The following C10orf90 variants were observed in gnomAD, a reference collection of about 807,000 sequenced individuals.
C10orf90 encodes the protein chromosome 10 open reading frame 90.
C10orf90 carries 56 observed loss-of-function variants against 62.5 expected under a neutral mutation model. That is an observed-to-expected ratio of 0.90 (90% CI 0.72 to 1.12). C10orf90 has a LOEUF of 1.12. Among genes scored for constraint, C10orf90 ranks in the 50% most tolerant of loss-of-function variants. The probability of loss-of-function intolerance (pLI) is 0.00; values close to 1 mark genes in which losing one functional copy is unlikely to be tolerated. For missense variants in C10orf90, 970 were observed against 880.4 expected (o/e 1.10, Z -1.29); for synonymous variants, 386 against 340.4 (o/e 1.13, Z -1.47).
At chr10:126,661,380 A>G (rs945848219) in intron 1 of C10orf90, among the ~76,000 whole-genome samples, 1 of 152,224 alleles carries the variant, frequency 6.6e-6, no homozygotes, top group Non-Finnish European at 1.5e-5. Flanking sequence ...CATTGTTCAT[A>G]TGAATACAGA....
intron 2 of C10orf90, among the ~76,000 whole-genome samples, chr10:126,642,197 G>A (rs753775980): frequency 5.3e-5 from 8 of 152,110 alleles, no homozygotes; most frequent in South Asian, 2.1e-4. Flanking sequence ...AAGATGAATC[G>A]CTAATTGATG....
chr10:126,583,019 TG>T (rs1844784919), intron 2 of C10orf90, among the ~76,000 whole-genome samples: 1 of 152,208 alleles, frequency 6.6e-6, no homozygotes, highest in Non-Finnish European at 1.5e-5. Context: ...GGGGTGGCTG[TG>T]CTGTGCATTT....
intron 2 of C10orf90, among the ~76,000 whole-genome samples, chr10:126,543,297 G>A (rs1328028926): frequency 6.6e-6 from 1 of 152,114 alleles, no homozygotes; most frequent in Non-Finnish European, 1.5e-5. Flanking sequence ...GTGCACCTCT[G>A]TTCTTTCATC....
At chr10:126,578,604 C>A (rs1400652741) in intron 2 of C10orf90, among the ~76,000 whole-genome samples, 3 of 152,144 alleles carry the variant, frequency 2.0e-5, no homozygotes, top group Non-Finnish European at 4.4e-5. Context: ...ATCCCTCCTG[C>A]ATATATACAC....
At position 126,613,578 on chromosome 10, in the gene C10orf90, C is replaced by T. The variant is rs550702110; in HGVS notation, c.313+32987G>A. ...ACTATTTTAATCCACTGATGCAAAA[C>T]TGTGCAATTACCAATTCAAATCTGA... is the stretch of plus-strand genomic sequence containing the variant. On this transcript the variant is annotated intron_variant, in intron 2 of 9. Coordinates refer to ENST00000488181, the MANE Select transcript of C10orf90 (RefSeq NM_001350921.2). Among the ~76,000 whole-genome samples, 5 of 152,340 alleles carry T rather than the reference C, an allele frequency of 3.3e-5. 1 individual carries two copies. The highest frequency in any genetic ancestry group is 1.2e-4 in the African/African-American group (5 of 41,592).
In C10orf90 at chr10:126,591,899, CA is replaced by C. The variant is rs557843267; in HGVS notation, c.313+54665del. ...AAAAACCACTAGCATTCCTATACAC[CA>C]AAAACAGGCAAGCAGAGAGCCAAAT... On this transcript the variant is annotated intron_variant, in intron 2 of 9. Coordinates refer to ENST00000488181, the MANE Select transcript of C10orf90 (RefSeq NM_001350921.2). Among the ~76,000 whole-genome samples the C allele has an allele frequency of 1.1e-3, 160 of 152,060 alleles. 2 individuals carry two copies. The Middle Eastern group carries it at 0.027, about 26-fold the overall frequency.
At chr10:126,472,160 T>C (rs1860616482) in intron 4 of C10orf90, among the ~76,000 whole-genome samples, 1 of 152,208 alleles carries the variant, frequency 6.6e-6, no homozygotes. Flanking sequence ...AAGCTTTTCT[T>C]AAAACTTACT....
intron 2 of C10orf90, among the ~76,000 whole-genome samples, chr10:126,525,932 C>A (rs996063352): frequency 6.6e-6 from 1 of 151,878 alleles, no homozygotes; most frequent in Admixed American, 6.6e-5. Context: ...AGCAGACCTT[C>A]AATTTAGGCA....
At chr10:126,445,965 A>G (rs913586892) in intron 7 of C10orf90, among the ~76,000 whole-genome samples, 1 of 151,860 alleles carries the variant, frequency 6.6e-6, no homozygotes, top group Non-Finnish European at 1.5e-5. Flanking sequence ...TGAGGATGCA[A>G]AGCCATAAGA....
chr10:126,495,470 C>T (rs567322393), intron 4 of C10orf90, among the ~76,000 whole-genome samples: 1 of 152,292 alleles, frequency 6.6e-6, no homozygotes, highest in African/African-American at 2.4e-5. Context: ...GCAGTAATGC[C>T]CTCATGGGGC....
At chr10:126,451,079 T>G (rs144782739) in intron 7 of C10orf90, among the ~76,000 whole-genome samples, 1 of 151,448 alleles carries the variant, frequency 6.6e-6, no homozygotes, top group East Asian at 1.9e-4. Context: ...CCAACAGGTA[T>G]ATGAGAAAAC....
intron 2 of C10orf90, among the ~76,000 whole-genome samples, chr10:126,585,725 A>G (rs749729026): frequency 1.6e-4 from 25 of 152,184 alleles, no homozygotes; most frequent in Admixed American, 3.3e-4. Flanking sequence ...TTGAAGACCA[A>G]ATTGGAAAGG....
At chr10:126,585,495 G>A (rs970120380) in intron 2 of C10orf90, among the ~76,000 whole-genome samples, 1 of 150,748 alleles carries the variant, frequency 6.6e-6, no homozygotes, top group Non-Finnish European at 1.5e-5. Context: ...AGAAAAGGAG[G>A]AAAAGAAAGA....
intron 4 of C10orf90, among the ~76,000 whole-genome samples, chr10:126,495,344 A>C (rs1861986782): frequency 6.6e-6 from 1 of 151,908 alleles, no homozygotes; most frequent in African/African-American, 2.4e-5. Context: ...AACGTACCCC[A>C]CCCATGTCTG....
At chr10:126,585,354 C>A (rs1227723941) in intron 2 of C10orf90, among the ~76,000 whole-genome samples, 1 of 48,010 alleles carries the variant, frequency 2.1e-5, no homozygotes, top group African/African-American at 1.0e-4. Flanking sequence ...AGGCAGGGAG[C>A]GAGGGGGGGA....
chr10:126,548,147 C>A (rs1864545064), intron 2 of C10orf90, among the ~76,000 whole-genome samples: 1 of 152,122 alleles, frequency 6.6e-6, no homozygotes, highest in Admixed American at 6.5e-5. Context: ...TAACATAATT[C>A]CTATCAAAAT....
chr10:126,469,152 G>A (rs770147002), intron 4 of C10orf90, among the ~76,000 whole-genome samples: 1 of 152,146 alleles, frequency 6.6e-6, no homozygotes, highest in Non-Finnish European at 1.5e-5. Context: ...GCAGACACAC[G>A]AGCCGGGAGG....
chr10:126,442,487 A>ATATATATATATATATATCTATATC (rs1858420266), intron 7 of C10orf90, among the ~76,000 whole-genome samples: 4 of 96,574 alleles, frequency 4.1e-5, no homozygotes, highest in African/African-American at 1.7e-4. Flanking sequence ...TCATATATAT[A>ATATATATATATATATATCTATATC]TATATATATA....
chr10:126,533,723 C>T (rs1864163516), intron 2 of C10orf90, among the ~76,000 whole-genome samples: 1 of 152,232 alleles, frequency 6.6e-6, no homozygotes. Context: ...GTTAACCCCT[C>T]AGAGCCTGTG....
Sources: gnomAD v4.1 joint callset for allele counts (sites outside exome capture counted in the v4.1 genomes callset) on GRCh38, gnomAD v4.1.1 for gene constraint, MANE v1.5 for transcripts, NCBI Gene and HGNC (gene_info 2026-07-23, HGNC 2026-07-21) for gene names.